The following LEKR1 variants were observed in gnomAD, a reference collection of about 807,000 sequenced individuals.
LEKR1 encodes leucine, glutamate and lysine rich 1.
LEKR1 carries 59 observed loss-of-function variants against 72.4 expected under a neutral mutation model. The ratio of observed to expected loss-of-function variants is 0.82; its 90% CI spans 0.66 to 1.01. The LOEUF is 1.01. Among genes scored for constraint, LEKR1 ranks in the 50% least tolerant of loss-of-function variants. The probability of loss-of-function intolerance (pLI) is 0.00; values close to 1 mark genes in which losing one functional copy is unlikely to be tolerated. For missense variants in LEKR1, 728 were observed against 759.2 expected (o/e 0.96, Z 0.48); for synonymous variants, 257 against 263.2 (o/e 0.98, Z 0.23).
intron 2 of LEKR1, among the ~76,000 whole-genome samples, chr3:156,833,901 T>A (rs987129056): frequency 1.3e-5 from 2 of 151,410 alleles, no homozygotes; most frequent in Non-Finnish European, 2.9e-5. Context: ...TCTTTCCCCT[T>A]TTTTCCTTTT....
chr3:156,988,145 A>G (rs1279786581), intron 7 of LEKR1: 5 of 168,510 alleles, frequency 3.0e-5, no homozygotes, highest in African/African-American at 1.2e-4. Flanking sequence ...GAACACCAAG[A>G]GGTCTACCTC....
chr3:157,035,639 C>T (rs1233091906), intron 12 of LEKR1, among the ~76,000 whole-genome samples: 2 of 152,154 alleles, frequency 1.3e-5, no homozygotes, highest in Non-Finnish European at 2.9e-5. Flanking sequence ...TGGCTCACAC[C>T]TGTAATCTCA....
At chr3:156,988,228 G>T (rs1730865333) in intron 7 of LEKR1, 2 of 202,306 alleles carry the variant, frequency 9.9e-6, no homozygotes, top group African/African-American at 2.3e-5. Context: ...ACAGACAAAG[G>T]CCTCCACCAC....
At chr3:156,945,129 A>G (rs1726567341) in intron 6 of LEKR1, among the ~76,000 whole-genome samples, 1 of 151,892 alleles carries the variant, frequency 6.6e-6, no homozygotes, top group Non-Finnish European at 1.5e-5. Flanking sequence ...GTGAGATTAT[A>G]TCTCAGTATA....
chr3:157,000,482 G>T (rs1047162871), intron 9 of LEKR1, among the ~76,000 whole-genome samples: 1 of 152,064 alleles, frequency 6.6e-6, no homozygotes, highest in Non-Finnish European at 1.5e-5. Context: ...CCACTGTTAA[G>T]CTTGGGCAAT....
intron 7 of LEKR1, among the ~76,000 whole-genome samples, chr3:156,985,697 T>TA (rs1458615319): frequency 2.0e-5 from 3 of 151,990 alleles, no homozygotes; most frequent in African/African-American, 7.2e-5. Context: ...TAGCTGGGTG[T>TA]AATGGCACAC....
intron 6 of LEKR1, among the ~76,000 whole-genome samples, chr3:156,970,215 A>G (rs1729033724): frequency 6.6e-6 from 1 of 152,208 alleles, no homozygotes; most frequent in African/African-American, 2.4e-5. Flanking sequence ...CTGGCACAAG[A>G]CAGGGATGCC....
intron 3 of LEKR1, among the ~76,000 whole-genome samples, chr3:156,874,119 G>A (rs985377125): frequency 5.9e-5 from 9 of 151,750 alleles, no homozygotes; most frequent in Non-Finnish European, 1.2e-4. Flanking sequence ...TTGCCTTCTC[G>A]TCTACTTGAT....
At position 156,909,389 on chromosome 3, in the gene LEKR1, T is replaced by C. The variant is rs751473594; in HGVS notation, c.264-11186T>C. ...TTAAATTTTCATTGCTGGTGGGTCA[T>C]GCCTGCAATCCCAGTACTTTGGGAG... On this transcript the variant is annotated intron_variant, in intron 3 of 12. Coordinates refer to ENST00000356539, the MANE Select transcript of LEKR1 (RefSeq NM_001004316.3). 3.6e-4 allele frequency among the ~76,000 whole-genome samples: 55 copies of C among 152,132 alleles called. 1 individual carries two copies. The highest frequency in any genetic ancestry group is 3.0e-3 in the Admixed American group (46 of 15,270).
intron 6 of LEKR1, among the ~76,000 whole-genome samples, chr3:156,970,843 T>C (rs922717223): frequency 6.6e-6 from 1 of 151,878 alleles, no homozygotes; most frequent in African/African-American, 2.4e-5. Context: ...TAAAAGAGGA[T>C]ACAAACAAAT....
At chr3:157,004,653 G>A (rs1387324534) in intron 9 of LEKR1, among the ~76,000 whole-genome samples, 2 of 152,040 alleles carry the variant, frequency 1.3e-5, no homozygotes, top group African/African-American at 4.8e-5. Flanking sequence ...TGTAATTAAC[G>A]TGGAAATCAA....
At chr3:157,016,054 CA>C (rs758236255) in intron 10 of LEKR1, among the ~76,000 whole-genome samples, 3 of 151,034 alleles carry the variant, frequency 2.0e-5, no homozygotes, top group African/African-American at 7.3e-5. Context: ...CAAAAACAAA[CA>C]AAAAAAACCT....
chr3:156,904,099 A>G (rs1722295076), intron 3 of LEKR1, among the ~76,000 whole-genome samples: 1 of 152,228 alleles, frequency 6.6e-6, no homozygotes, highest in African/African-American at 2.4e-5. Context: ...TTTAGAATTA[A>G]TCAATAGAAG....
chr3:156,993,332 A>G (rs1205550342), intron 9 of LEKR1, 55 bp downstream of exon 9: 4 of 1,171,550 alleles, frequency 3.4e-6, no homozygotes, highest in South Asian at 1.5e-5. Context: ...TTAGTATTCC[A>G]TATATATTTG....
intron 2 of LEKR1, among the ~76,000 whole-genome samples, chr3:156,837,051 A>C (rs1254096128): frequency 2.0e-5 from 3 of 152,214 alleles, no homozygotes; most frequent in Non-Finnish European, 4.4e-5. Flanking sequence ...TTAATTATGG[A>C]GAATAAAAGA....
At chr3:156,957,740 A>G (rs1727778213) in intron 6 of LEKR1, among the ~76,000 whole-genome samples, 1 of 152,116 alleles carries the variant, frequency 6.6e-6, no homozygotes, top group Admixed American at 6.6e-5. Context: ...AAAAGGCAGT[A>G]TAATTGCAGA....
At chr3:156,953,684 C>T (rs1016817486) in intron 6 of LEKR1, among the ~76,000 whole-genome samples, 1 of 151,944 alleles carries the variant, frequency 6.6e-6, no homozygotes, top group African/African-American at 2.4e-5. Flanking sequence ...CATGTCTCTT[C>T]AGAGGACATG....
chr3:157,038,059 C>G (rs1259538761), intron 12 of LEKR1, among the ~76,000 whole-genome samples: 2 of 152,090 alleles, frequency 1.3e-5, no homozygotes, highest in African/African-American at 4.8e-5. Flanking sequence ...AGAAAGCCAC[C>G]TAGGAATTTC....
At chr3:156,829,999 C>G (rs1288538591) in intron 2 of LEKR1, among the ~76,000 whole-genome samples, 1 of 152,108 alleles carries the variant, frequency 6.6e-6, no homozygotes, top group African/African-American at 2.4e-5. Flanking sequence ...ATGCACAAAT[C>G]TATTATAAAA....
Sources: gnomAD v4.1 joint callset for allele counts (sites outside exome capture counted in the v4.1 genomes callset) on GRCh38, gnomAD v4.1.1 for gene constraint, MANE v1.5 for transcripts, NCBI Gene and HGNC (gene_info 2026-07-23, HGNC 2026-07-21) for gene names.